Variants in BABAM2 observed in about 807,000 individuals in gnomAD.
The protein encoded by BABAM2 is BRISC and BRCA1-A complex member 2.
In BABAM2, 31 loss-of-function variants were observed where a neutral mutation model predicts 54.7. That is an observed-to-expected ratio of 0.57 (90% CI 0.43 to 0.77). The LOEUF (loss-of-function observed/expected upper bound fraction) is 0.77, where lower values mean the gene tolerates loss of function less well. Ranked by LOEUF, BABAM2 falls within the 30% of genes least tolerant of loss-of-function variation. The pLI, the probability that BABAM2 is intolerant of heterozygous loss-of-function variation, is 0.00. For missense variants in BABAM2, 364 were observed against 455.8 expected (o/e 0.80, Z 1.83); for synonymous variants, 167 against 162.9 (o/e 1.03, Z -0.19).
At chr2:27,912,738 G>A (rs1666696709) in intron 2 of BABAM2, among the ~76,000 whole-genome samples, 1 of 152,080 alleles carries the variant, frequency 6.6e-6, no homozygotes, top group African/African-American at 2.4e-5. Flanking sequence ...CTTCAAACTG[G>A]CTTGTCAAAT....
intron 11 of BABAM2, among the ~76,000 whole-genome samples, chr2:28,323,263 G>A (rs1421159868): frequency 6.6e-6 from 1 of 152,210 alleles, no homozygotes; most frequent in Non-Finnish European, 1.5e-5. Flanking sequence ...ACATGAGCAG[G>A]ATGGATACTG....
intron 3 of BABAM2, among the ~76,000 whole-genome samples, chr2:27,932,742 C>G (rs1255232550): frequency 6.6e-6 from 1 of 152,274 alleles, no homozygotes; most frequent in South Asian, 2.1e-4. Flanking sequence ...TCTTGCCTCC[C>G]CTTACACTGG....
intron 7 of BABAM2, among the ~76,000 whole-genome samples, chr2:28,176,936 T>G (rs1450955245): frequency 6.6e-6 from 1 of 151,574 alleles, no homozygotes; most frequent in Non-Finnish European, 1.5e-5. Context: ...AATTCAAATT[T>G]TGAGTGTTCC....
chr2:28,186,759 G>A (rs755575684), intron 7 of BABAM2, among the ~76,000 whole-genome samples: 10 of 152,018 alleles, frequency 6.6e-5, no homozygotes, highest in Non-Finnish European at 1.3e-4. Context: ...AGTATATCCT[G>A]TTAGCCTGTA....
intron 10 of BABAM2, among the ~76,000 whole-genome samples, chr2:28,283,058 A>G (rs1307235309): frequency 2.0e-5 from 3 of 151,228 alleles, no homozygotes; most frequent in Non-Finnish European, 2.9e-5. Flanking sequence ...CCTAACTATT[A>G]TCTGTAGTAA....
chr2:28,312,802 C>G (rs992149025), intron 11 of BABAM2, among the ~76,000 whole-genome samples: 26 of 152,224 alleles, frequency 1.7e-4, no homozygotes, highest in African/African-American at 6.3e-4. Context: ...TAAGCATTAA[C>G]TATTGTGATA....
At chr2:28,132,526 G>A (rs567269015) in intron 7 of BABAM2, among the ~76,000 whole-genome samples, 3 of 152,212 alleles carry the variant, frequency 2.0e-5, no homozygotes, top group African/African-American at 7.2e-5. Flanking sequence ...GTTTCCTTCA[G>A]CCAGACCTGA....
At chr2:28,216,282 C>G (rs1202421304) in intron 7 of BABAM2, among the ~76,000 whole-genome samples, 1 of 152,076 alleles carries the variant, frequency 6.6e-6, no homozygotes, top group Non-Finnish European at 1.5e-5. Flanking sequence ...TCCTAAGAAC[C>G]TAGCCTCCTT....
intron 10 of BABAM2, among the ~76,000 whole-genome samples, chr2:28,256,572 CTGAGG>C (rs1381108386): frequency 1.3e-5 from 2 of 152,040 alleles, no homozygotes; most frequent in African/African-American, 2.4e-5. Flanking sequence ...TTATCATTTA[CTGAGG>C]TATTGGCTGA....
At chr2:28,309,673 T>A (rs569478846) in intron 11 of BABAM2, 1 of 172,018 alleles carries the variant, frequency 5.8e-6, no homozygotes, top group Admixed American at 5.9e-5. Flanking sequence ...GTAACTTGGC[T>A]AGAGTTCCCA....
chr2:28,283,178 G>C (rs2148200141), intron 10 of BABAM2, among the ~76,000 whole-genome samples: 1 of 152,266 alleles, frequency 6.6e-6, no homozygotes, highest in South Asian at 2.1e-4. Flanking sequence ...TGGCCTTGTA[G>C]TGTGTATGTA....
chr2:28,023,842 G>A (rs938672064), intron 4 of BABAM2, among the ~76,000 whole-genome samples: 1 of 152,154 alleles, frequency 6.6e-6, no homozygotes, highest in African/African-American at 2.4e-5. Context: ...ATAAAGTAGT[G>A]TTGATGGTTC....
At chr2:27,911,602 A>G (rs1422065212) in intron 2 of BABAM2, among the ~76,000 whole-genome samples, 2 of 152,180 alleles carry the variant, frequency 1.3e-5, no homozygotes, top group Admixed American at 6.5e-5. Context: ...AATCCTTATC[A>G]CAATCTTGAG....
chr2:28,022,142 C>T (rs183366535), intron 4 of BABAM2, among the ~76,000 whole-genome samples: 9 of 150,996 alleles, frequency 6.0e-5, no homozygotes, highest in Admixed American at 2.6e-4. Flanking sequence ...AGTGTATTTA[C>T]GAGAGAGAAA....
chr2:27,909,381 C>G (rs571113071), intron 2 of BABAM2, among the ~76,000 whole-genome samples: 1 of 152,052 alleles, frequency 6.6e-6, no homozygotes, highest in Admixed American at 6.6e-5. Context: ...GGAGAAATGT[C>G]TGTTCAAGTC....
intron 6 of BABAM2, among the ~76,000 whole-genome samples, chr2:28,105,107 G>T (rs1395832455): frequency 6.6e-6 from 1 of 152,104 alleles, no homozygotes; most frequent in Non-Finnish European, 1.5e-5. Flanking sequence ...GTTAATGGGT[G>T]CAGCACACCA....
At chr2:28,204,141 T>C (rs1678575205) in intron 7 of BABAM2, among the ~76,000 whole-genome samples, 1 of 152,214 alleles carries the variant, frequency 6.6e-6, no homozygotes, top group Admixed American at 6.5e-5. Context: ...TACTTACATA[T>C]TGTGATACTA....
intron 10 of BABAM2, among the ~76,000 whole-genome samples, chr2:28,279,960 G>C (rs911271583): frequency 1.4e-4 from 21 of 152,062 alleles, no homozygotes; most frequent in African/African-American, 4.8e-4. Flanking sequence ...GAGCCACCAC[G>C]CCCGGCAGAG....
chr2:28,270,583 C>T (rs1685340528), intron 10 of BABAM2, among the ~76,000 whole-genome samples: 1 of 152,190 alleles, frequency 6.6e-6, no homozygotes, highest in African/African-American at 2.4e-5. Flanking sequence ...TTTGACTGTA[C>T]CTGAACCACA....
Sources: allele counts gnomAD v4.1 joint callset (sites outside exome capture counted in the v4.1 genomes callset), GRCh38; gene constraint gnomAD v4.1.1; transcripts MANE v1.5; gene names NCBI Gene and HGNC (gene_info 2026-07-23, HGNC 2026-07-21).